Variants in ARHGEF12 observed in about 807,000 individuals in gnomAD.
The protein encoded by ARHGEF12 is Rho guanine nucleotide exchange factor 12, also known as KMT2A/ARHGEF12 fusion protein.
In ARHGEF12, 66 loss-of-function variants were observed where a neutral mutation model predicts 211.2. The ratio of observed to expected loss-of-function variants is 0.31; its 90% CI spans 0.26 to 0.38. The LOEUF (loss-of-function observed/expected upper bound fraction) is 0.38, where lower values mean the gene tolerates loss of function less well. Ranked by LOEUF, ARHGEF12 falls within the 10% of genes least tolerant of loss-of-function variation. The pLI is 1.00. For synonymous variants in ARHGEF12, 592 were observed against 638.4 expected (o/e 0.93, Z 1.09); for missense variants, 1,429 against 1,869.5 (o/e 0.76, Z 4.34).
chr11:120,434,538 G>T (rs532574460), intron 11 of ARHGEF12, among the ~76,000 whole-genome samples: 1 of 152,142 alleles, frequency 6.6e-6, no homozygotes, highest in Non-Finnish European at 1.5e-5. Flanking sequence ...GTCTGCTTTT[G>T]TTGTTGTTTT....
intron 1 of ARHGEF12, among the ~76,000 whole-genome samples, chr11:120,352,558 G>A (rs975391130): frequency 2.0e-5 from 3 of 152,110 alleles, no homozygotes; most frequent in African/African-American, 7.2e-5. Flanking sequence ...AGATAAAAAG[G>A]TTTTATCTTT....
intron 1 of ARHGEF12, among the ~76,000 whole-genome samples, chr11:120,344,263 C>G (rs1360490893): frequency 1.4e-5 from 1 of 70,302 alleles, no homozygotes; most frequent in African/African-American, 7.6e-5. Flanking sequence ...AAGACTCCGT[C>G]TCAAAAAAAA....
intron 37 of ARHGEF12, among the ~76,000 whole-genome samples, chr11:120,478,713 G>T (rs1260747256): frequency 1.3e-5 from 2 of 152,206 alleles, no homozygotes; most frequent in African/African-American, 4.8e-5. Context: ...ATGACTAAAG[G>T]TATGAAAAAA....
intron 1 of ARHGEF12, among the ~76,000 whole-genome samples, chr11:120,369,125 CTTTTTTTTT>C (rs1183494101): frequency 7.9e-6 from 1 of 127,320 alleles, no homozygotes; most frequent in Non-Finnish European, 1.7e-5. Flanking sequence ...TTCTTTTCTT[CTTTTTTTTT>C]TTTTTTTTTT....
At chr11:120,339,685 T>C (rs1301217917) in intron 1 of ARHGEF12, among the ~76,000 whole-genome samples, 1 of 152,178 alleles carries the variant, frequency 6.6e-6, no homozygotes, top group Admixed American at 6.5e-5. Flanking sequence ...GAAATCAGAC[T>C]AGCTGGTTTT....
At chr11:120,366,187 A>G (rs1290881508) in intron 1 of ARHGEF12, among the ~76,000 whole-genome samples, 1 of 152,162 alleles carries the variant, frequency 6.6e-6, no homozygotes, top group Non-Finnish European at 1.5e-5. Context: ...GCCCAGGAGT[A>G]TCAGGCTGCA....
Position 120,477,268 on chromosome 11 carries a change from A to T in ARHGEF12, c.3415A>T (p.Thr1139Ser), listed in dbSNP as rs1368262946. ...RMAASVKEQSTKPIPLPQSTP... is the reference protein window; with the variant it reads ...RMAASVKEQSSKPIPLPQSTP... ...GGCTGCATCAGTGAAGGAGCAATCC[A>T]CAAAGCCAATTCCATTACCACAGTC... Residue 1139 changes from threonine to serine, a missense_variant, in exon 35 of 41, where the codon ACA becomes TCA. Physicochemically the swap from Thr to Ser is moderately conservative, Grantham distance 58 (BLOSUM62 1). Around this residue, in one of 7 missense-constraint regions of ARHGEF12, gnomAD observed 223 missense variants for 444.6 expected, o/e 0.50. Coordinates refer to ENST00000397843, the MANE Select transcript of ARHGEF12 (RefSeq NM_015313.3). 1 of 1,614,158 alleles carries T rather than the reference A, an allele frequency of 6.2e-7. No individual in the cohort carries two copies. Among genetic ancestry groups the T allele is most frequent in the Non-Finnish European group, 8.5e-7 (1 of 1,180,044 alleles).
chr11:120,351,455 ATTTTTTTTTTT>A (rs1174506359), intron 1 of ARHGEF12, among the ~76,000 whole-genome samples: 1 of 5,736 alleles, frequency 1.7e-4, no homozygotes, highest in African/African-American at 6.7e-4. Context: ...ATATATATAT[ATTTTTTTTTTT>A]TTTTTTTTTT....
intron 14 of ARHGEF12, 141 bp from the exon 15 acceptor site, chr11:120,441,963 T>G: frequency 1.1e-6 from 1 of 906,442 alleles, no homozygotes; most frequent in Non-Finnish European, 1.7e-6. Context: ...AACATTATTT[T>G]TAAAGACTTG....
At chr11:120,365,010 C>T (rs940940463) in intron 1 of ARHGEF12, among the ~76,000 whole-genome samples, 7 of 152,002 alleles carry the variant, frequency 4.6e-5, no homozygotes, top group Non-Finnish European at 7.4e-5. Context: ...TGGTCTCGAA[C>T]TTCTGGACTC....
intron 21 of ARHGEF12, chr11:120,451,201 C>T (rs754165364): frequency 3.6e-5 from 7 of 195,894 alleles, no homozygotes; most frequent in African/African-American, 9.4e-5. Context: ...ATTTTTGAGA[C>T]GGAGTCTTGC....
intron 8 of ARHGEF12, among the ~76,000 whole-genome samples, chr11:120,428,793 T>C (rs901936074): frequency 1.6e-4 from 24 of 152,140 alleles, no homozygotes; most frequent in African/African-American, 5.8e-4. Context: ...CATCAAATAT[T>C]GTGGAGAAGT....
intron 1 of ARHGEF12, among the ~76,000 whole-genome samples, chr11:120,401,590 A>G (rs895268829): frequency 1.3e-5 from 2 of 152,210 alleles, no homozygotes; most frequent in African/African-American, 4.8e-5. Context: ...ATCACCTTTG[A>G]TATTTTAAAG....
At chr11:120,387,248 G>C (rs369773335) in intron 1 of ARHGEF12, among the ~76,000 whole-genome samples, 7 of 151,742 alleles carry the variant, frequency 4.6e-5, no homozygotes, top group East Asian at 1.9e-4. Flanking sequence ...TGTGTGGTGG[G>C]GGGGGAGGGT....
intron 13 of ARHGEF12, among the ~76,000 whole-genome samples, chr11:120,441,177 G>T (rs181790719): frequency 5.5e-4 from 84 of 152,134 alleles, no homozygotes; most frequent in Non-Finnish European, 9.0e-4. Flanking sequence ...TTGATAGTTG[G>T]GGGTAATGCT....
chr11:120,356,682 T>C (rs1020393028), intron 1 of ARHGEF12, among the ~76,000 whole-genome samples: 23 of 152,338 alleles, frequency 1.5e-4, no homozygotes, highest in Admixed American at 1.4e-3. Context: ...ATGTAGTAGA[T>C]ACCCAGTAGG....
At chr11:120,440,351 A>G (rs1302660409) in intron 13 of ARHGEF12, 130 bp downstream of exon 13, 6 of 722,160 alleles carry the variant, frequency 8.3e-6, no homozygotes, top group African/African-American at 1.8e-5. Flanking sequence ...TAGAACCAAT[A>G]GCTCCTTGGG....
chr11:120,478,682 T>C (rs1424340066), intron 37 of ARHGEF12, among the ~76,000 whole-genome samples: 2 of 152,206 alleles, frequency 1.3e-5, no homozygotes, highest in Non-Finnish European at 2.9e-5. Flanking sequence ...GGAGAACCAC[T>C]TGAAATTTTT....
chr11:120,364,835 T>G (rs1943379727), intron 1 of ARHGEF12, among the ~76,000 whole-genome samples: 1 of 151,696 alleles, frequency 6.6e-6, no homozygotes. Context: ...TTTTTTTTTT[T>G]TGAGCCAAGT....
Sources: allele counts gnomAD v4.1 joint callset (sites outside exome capture counted in the v4.1 genomes callset), GRCh38; gene constraint gnomAD v4.1.1; regional missense constraint gnomAD v4.1.1; transcripts MANE v1.5; gene names NCBI Gene and HGNC (gene_info 2026-07-23, HGNC 2026-07-21).